The following JADE3 variants were observed in gnomAD, a reference collection of about 807,000 sequenced individuals.
JADE3 encodes the protein jade family PHD finger 3.
Under a neutral mutation model 50.1 loss-of-function variants are expected in JADE3, and 2 were observed. The observed-to-expected ratio is 0.04, with a 90% CI of 0.02 to 0.13. The LOEUF (loss-of-function observed/expected upper bound fraction) is 0.13, where lower values mean the gene tolerates loss of function less well. JADE3 is among the 10% of genes least tolerant of loss of function. The probability of loss-of-function intolerance (pLI) is 1.00; values close to 1 mark genes in which losing one functional copy is unlikely to be tolerated. For synonymous variants in JADE3, 218 were observed against 232.9 expected, an observed-to-expected ratio of 0.94 and a Z score of 0.58; for missense variants, 475 against 634.4, an observed-to-expected ratio of 0.75 and a Z score of 2.70.
intron 8 of JADE3, among the ~76,000 whole-genome samples, chrX:47,052,633 CAAAAAAAA>C (rs1195947563): frequency 2.7e-3 from 52 of 18,920 alleles, no homozygotes; most frequent in African/African-American, 7.5e-3. Context: ...GACTCTGTCT[CAAAAAAAA>C]AAAAAAAAAA....
chrX:47,052,215 C>A (rs1556372313), intron 8 of JADE3, among the ~76,000 whole-genome samples: 1 of 109,715 alleles, frequency 9.1e-6, no homozygotes, highest in Non-Finnish European at 1.9e-5. Context: ...CCTTTGCCCC[C>A]CCCTATGAAT....
intron 1 of JADE3, among the ~76,000 whole-genome samples, chrX:46,939,670 T>C (rs937131685): frequency 1.2e-4 from 14 of 112,035 alleles, no homozygotes; most frequent in Non-Finnish European, 1.7e-4. Flanking sequence ...AGCTGAAACT[T>C]TAACATAGGT....
chrX:47,056,832 A>G (rs1461968750), intron 10 of JADE3, among the ~76,000 whole-genome samples: 1 of 111,863 alleles, frequency 8.9e-6, no homozygotes, highest in African/African-American at 3.2e-5. Context: ...TGACACCTGT[A>G]AACTCCCTGT....
At chrX:47,000,337 A>G (rs1928250133) in intron 4 of JADE3, among the ~76,000 whole-genome samples, 1 of 110,625 alleles carries the variant, frequency 9.0e-6, no homozygotes, top group East Asian at 2.8e-4. Flanking sequence ...TCACCATTCC[A>G]TTGATACTCC....
chrX:46,943,861 GA>G (rs1355645417), intron 1 of JADE3, among the ~76,000 whole-genome samples: 1 of 111,368 alleles, frequency 9.0e-6, no homozygotes, highest in East Asian at 2.8e-4. Flanking sequence ...TTGGTTGGTA[GA>G]TTTTTTTTAT....
intron 4 of JADE3, among the ~76,000 whole-genome samples, chrX:47,005,863 A>G (rs1928402191): frequency 1.8e-5 from 2 of 111,833 alleles, no homozygotes; most frequent in African/African-American, 6.5e-5. Context: ...CACAGGCCAA[A>G]TGGTGAACTA....
At chrX:46,977,625 T>G (rs186005512) in intron 1 of JADE3, among the ~76,000 whole-genome samples, 8 of 112,276 alleles carry the variant, frequency 7.1e-5, no homozygotes, top group African/African-American at 1.9e-4. Flanking sequence ...AATTACCACT[T>G]AATAAGGATT....
intron 1 of JADE3, among the ~76,000 whole-genome samples, chrX:46,933,163 G>A (rs1354753543): frequency 9.0e-6 from 1 of 111,453 alleles, no homozygotes; most frequent in African/African-American, 3.3e-5. Flanking sequence ...TTGTGTTGTG[G>A]GCACTGTGCT....
chrX:47,025,547 T>G (rs1928888730), intron 5 of JADE3, among the ~76,000 whole-genome samples: 1 of 112,238 alleles, frequency 8.9e-6, no homozygotes, highest in Non-Finnish European at 1.9e-5. Context: ...GCAAATAAAT[T>G]TATGTTTACA....
At chrX:46,999,434 CAT>C (rs56687519) in intron 4 of JADE3, among the ~76,000 whole-genome samples, 1,172 of 65,873 alleles carry the variant, frequency 0.018, 22 homozygotes, top group African/African-American at 0.074. Context: ...ACATATATAA[CAT>C]ATATATATAT....
In JADE3 at chrX:46,923,403, T is replaced by C. The variant is rs1203793291; in HGVS notation, c.-12+10684T>C. ...TCTCTCTCTCTCTCTCTTTTTTTTTTTTTTTTTTTTTTTTTTTTGAGGCAG... is the reference window on the plus strand; with the variant it reads ...TCTCTCTCTCTCTCTCTTTTTTTTTCTTTTTTTTTTTTTTTTTTGAGGCAG... On this transcript the variant is annotated intron_variant, in intron 1 of 10. Transcript: ENST00000614628. 2.1e-4 allele frequency among the ~76,000 whole-genome samples: 11 copies of C among 53,450 alleles called. 1 individual carries two copies. The highest frequency in any genetic ancestry group is 1.1e-3 in the Admixed American group (5 of 4,603). The allele number at this position is 53,450 out of a possible 115,157, so 46.4% of individuals were successfully genotyped here.
At chrX:46,926,045 T>C (rs1233311118) in intron 1 of JADE3, among the ~76,000 whole-genome samples, 1 of 96,194 alleles carries the variant, frequency 1.0e-5, no homozygotes, top group East Asian at 3.2e-4. Flanking sequence ...TTATTTTATT[T>C]TATTTTATTT....
At chrX:46,920,008 C>A (rs1233625733) in intron 1 of JADE3, among the ~76,000 whole-genome samples, 9 of 110,754 alleles carry the variant, frequency 8.1e-5, no homozygotes, top group African/African-American at 2.9e-4. Context: ...ATTGAAGACA[C>A]TGATAGTTTT....
intron 4 of JADE3, among the ~76,000 whole-genome samples, chrX:47,007,963 A>C (rs1928472524): frequency 9.1e-6 from 1 of 110,194 alleles, no homozygotes; most frequent in Admixed American, 9.9e-5. Flanking sequence ...AATAGCCCCA[A>C]AGCTATTAGT....
chrX:46,982,891 C>T (rs1416567297), intron 1 of JADE3, among the ~76,000 whole-genome samples: 6 of 110,997 alleles, frequency 5.4e-5, no homozygotes, highest in East Asian at 2.8e-4. Context: ...TGCAGTGGCG[C>T]GATCTCAGCT....
intron 4 of JADE3, among the ~76,000 whole-genome samples, chrX:46,999,397 TTA>T (rs782183768): frequency 3.0e-5 from 2 of 65,635 alleles, no homozygotes; most frequent in Admixed American, 5.0e-4. Context: ...GTGGGAAGTT[TTA>T]TATATATATA....
chrX:47,038,680 G>A (rs898444659), intron 7 of JADE3, among the ~76,000 whole-genome samples: 19 of 102,206 alleles, frequency 1.9e-4, no homozygotes, highest in African/African-American at 6.9e-4. Context: ...AAAGAAGAAA[G>A]AAAGAAAGAA....
In JADE3 at chrX:47,058,331, A is replaced by G. The variant is rs148731538; in HGVS notation, c.1726A>G (p.Ile576Val). ...SPDSSSSVHS[I>V]RNMQVPQESL... is the part of the protein sequence containing the mutation. Reference sequence around the variant, plus strand: ...TGACAGCAGCTCATCTGTTCACAGTATAAGGAACATGCAGGTGCCTCAGGA... The same window carrying G: ...TGACAGCAGCTCATCTGTTCACAGTGTAAGGAACATGCAGGTGCCTCAGGA... Residue 576 changes from isoleucine to valine, a missense_variant, in exon 11 of 11, where the codon ATA (isoleucine) becomes GTA (valine). Transcript: ENST00000614628. 8 of 1,208,956 alleles carry G rather than the reference A, an allele frequency of 6.6e-6. No homozygotes were observed. In the African/African-American group the frequency reaches 1.2e-4, roughly 19 times the overall value.
At chrX:46,943,365 TA>T (rs781812505) in intron 1 of JADE3, among the ~76,000 whole-genome samples, 2 of 111,793 alleles carry the variant, frequency 1.8e-5, no homozygotes, top group Non-Finnish European at 3.8e-5. Context: ...TATTTTGAGG[TA>T]TTTTTTTTGA....
Sources: allele counts gnomAD v4.1 joint callset (sites outside exome capture counted in the v4.1 genomes callset), GRCh38; gene constraint gnomAD v4.1.1; transcripts MANE v1.5; gene names NCBI Gene and HGNC (gene_info 2026-07-23, HGNC 2026-07-21).